The following POLDIP3 variants were observed in gnomAD, a reference collection of about 807,000 sequenced individuals.
POLDIP3 encodes the protein polymerase delta-interacting protein 3.
POLDIP3 carries 14 observed loss-of-function variants against 45.1 expected under a neutral mutation model. That is an observed-to-expected ratio of 0.31 (90% CI 0.20 to 0.49). The LOEUF is 0.49. POLDIP3 is among the 20% of genes least tolerant of loss of function. The pLI, the probability that POLDIP3 is intolerant of heterozygous loss-of-function variation, is 0.99. For missense variants in POLDIP3, 511 were observed against 538.8 expected (o/e 0.95, Z 0.51); for synonymous variants, 223 against 205.2 (o/e 1.09, Z -0.74).
chr22:42,589,058 T>C (rs751518513), intron 7 of POLDIP3, among the ~76,000 whole-genome samples: 2 of 152,102 alleles, frequency 1.3e-5, no homozygotes, highest in Non-Finnish European at 2.9e-5. Flanking sequence ...CTGGCCAACA[T>C]GGCAGAAACC....
chr22:42,584,663 CACCTT>C lies in POLDIP3; in HGVS notation c.*1123_*1127del, dbSNP rs1203594950. ...ACTGTCTGCGCCTATGCTGGGGAAA[CACCTT>C]GCCTGGTAGAGCTGCCCTGCTCCCT... On this transcript the variant is annotated 3_prime_UTR_variant, in exon 9 of 9. Coordinates refer to ENST00000252115, the MANE Select transcript of POLDIP3 (RefSeq NM_032311.5). 5 of 348,666 alleles carry C rather than the reference CACCTT, an allele frequency of 1.4e-5. No individual in the cohort carries two copies. In the Admixed American group the frequency reaches 2.0e-4, roughly 14 times the overall value. The allele number at this position is 348,666 out of a possible 1,614,324, so 21.6% of individuals were successfully genotyped here.
chr22:42,613,896 G>C (rs944061041), intron 1 of POLDIP3, among the ~76,000 whole-genome samples: 1 of 152,212 alleles, frequency 6.6e-6, no homozygotes, highest in Non-Finnish European at 1.5e-5. Flanking sequence ...ATTGGGCAAA[G>C]TTCTCACTTC....
chr22:42,610,046 T>G (rs1282424577), intron 1 of POLDIP3, among the ~76,000 whole-genome samples: 1 of 152,044 alleles, frequency 6.6e-6, no homozygotes, highest in Non-Finnish European at 1.5e-5. Flanking sequence ...TAGTGGCCCA[T>G]GCCTGTAGTC....
chr22:42,593,815 G>A (rs551088560), intron 6 of POLDIP3, among the ~76,000 whole-genome samples: 5 of 151,262 alleles, frequency 3.3e-5, no homozygotes, highest in South Asian at 2.2e-4. Flanking sequence ...CACTGCACCC[G>A]GCAATCAGCT....
intron 3 of POLDIP3, among the ~76,000 whole-genome samples, chr22:42,601,362 A>C (rs901589857): frequency 1.1e-4 from 16 of 151,988 alleles, no homozygotes; most frequent in African/African-American, 3.6e-4. Context: ...AAAAGGAAAA[A>C]AAAACAAAAC....
At chr22:42,596,480 A>G (rs2146812894) in intron 4 of POLDIP3, 115 bp from the exon 5 acceptor site, 2 of 1,058,364 alleles carry the variant, frequency 1.9e-6, no homozygotes, top group Non-Finnish European at 2.7e-6. Flanking sequence ...CCAGCTCTCT[A>G]ATTCTATTAG....
chr22:42,600,981 G>A (rs1339355274), intron 3 of POLDIP3, among the ~76,000 whole-genome samples: 1 of 151,908 alleles, frequency 6.6e-6, no homozygotes, highest in Non-Finnish European at 1.5e-5. Context: ...TGTGATCCCA[G>A]CTACTCAGGA....
chr22:42,597,971 A>G (rs1926103948), intron 4 of POLDIP3, among the ~76,000 whole-genome samples: 1 of 150,718 alleles, frequency 6.6e-6, no homozygotes, highest in South Asian at 2.1e-4. Context: ...TAGAGACGGG[A>G]TTTCACCATG....
In POLDIP3 at chr22:42,603,119, A is replaced by C. The variant is rs781487649; in HGVS notation, c.101T>G (p.Val34Gly). The C allele has an allele frequency of 6.2e-7, 1 of 1,614,092 alleles. No individual in the cohort carries two copies. Among genetic ancestry groups the C allele is most frequent in the Admixed American group, 1.7e-5 (1 of 60,020 alleles). The change falls in exon 2 of 9, where the codon GTT (valine) becomes GGT (glycine). Residue 34 changes from valine (V) to glycine (G), a missense_variant. By Grantham distance (109) the Val-to-Gly change is moderately radical. Transcript: ENST00000252115. The part of the protein sequence containing the change: ...RPGVGGVRSR[V>G]GIQQGLLSQS... Reference sequence around the variant, plus strand: ...GCTGAGAAGGCCTTGCTGGATCCCAACTCGAGATCGGACACCTCCAACTCC... The same window carrying C: ...GCTGAGAAGGCCTTGCTGGATCCCACCTCGAGATCGGACACCTCCAACTCC...
chr22:42,588,456 C>CA (rs137093), intron 7 of POLDIP3, among the ~76,000 whole-genome samples: 4,605 of 101,248 alleles, frequency 0.045, 259 homozygotes, highest in African/African-American at 0.13. Context: ...GACTCCACCT[C>CA]AAAAAAAAAA....
At position 42,614,858 on chromosome 22, in the gene POLDIP3, C is replaced by G. The variant is rs143848297; in HGVS notation, c.-1G>C. The G allele has an allele frequency of 3.1e-6, 5 of 1,613,750 alleles. No individual in the cohort carries two copies. The highest frequency in any genetic ancestry group is 4.5e-5 in the East Asian group (2 of 44,882). Reference sequence around the variant, plus strand: ...GTTCGTCCAGGGAGATGTCCGCCATCTTGCTCCGCCGAGCAAGCCGAAAGC... The same window carrying G: ...GTTCGTCCAGGGAGATGTCCGCCATGTTGCTCCGCCGAGCAAGCCGAAAGC... On this transcript the variant is annotated 5_prime_UTR_variant, in exon 1 of 9. Transcript: ENST00000252115.
intron 6 of POLDIP3, among the ~76,000 whole-genome samples, chr22:42,595,059 T>A (rs943438515): frequency 2.6e-5 from 4 of 152,216 alleles, no homozygotes; most frequent in African/African-American, 9.7e-5. Flanking sequence ...TTGGCTGGCA[T>A]CTGAGAACTC....
intron 7 of POLDIP3, among the ~76,000 whole-genome samples, chr22:42,590,444 A>G (rs1369306379): frequency 2.0e-5 from 3 of 152,146 alleles, no homozygotes; most frequent in Non-Finnish European, 4.4e-5. Context: ...TCAGCCTCCC[A>G]AAGTGCTGGA....
intron 1 of POLDIP3, among the ~76,000 whole-genome samples, chr22:42,610,168 C>G (rs1431603124): frequency 6.6e-6 from 1 of 152,098 alleles, no homozygotes; most frequent in Admixed American, 6.5e-5. Flanking sequence ...GAGCAAAACT[C>G]TGTCTCAAAA....
chr22:42,606,039 G>A (rs1176291598), intron 1 of POLDIP3, among the ~76,000 whole-genome samples: 1 of 152,188 alleles, frequency 6.6e-6, no homozygotes, highest in Non-Finnish European at 1.5e-5. Context: ...CTACTCGGAA[G>A]GCTGAGGCAG....
intron 7 of POLDIP3, among the ~76,000 whole-genome samples, chr22:42,589,724 A>T (rs1285287055): frequency 6.6e-6 from 1 of 151,906 alleles, no homozygotes; most frequent in African/African-American, 2.4e-5. Context: ...GGCACCTGTA[A>T]TCCCAGCTAC....
At chr22:42,602,257 G>T in intron 2 of POLDIP3, 1 of 815,524 alleles carries the variant, frequency 1.2e-6, no homozygotes, top group African/African-American at 1.7e-5. Flanking sequence ...CACATGTAGG[G>T]CTTAATGGAC....
chr22:42,601,861 G>A, intron 3 of POLDIP3, 109 bp downstream of exon 3: 1 of 1,336,390 alleles, frequency 7.5e-7, no homozygotes, highest in Non-Finnish European at 1.0e-6. Context: ...TACCAACTGA[G>A]CAAGCCTCAG....
At chr22:42,603,284 C>T in intron 1 of POLDIP3, 124 bp from the exon 2 acceptor site, 1 of 990,006 alleles carries the variant, frequency 1.0e-6, no homozygotes, top group Middle Eastern at 2.8e-4. Flanking sequence ...GGCTCCTTGC[C>T]TGTGATTGAA....
Sources: gnomAD v4.1 joint callset for allele counts (sites outside exome capture counted in the v4.1 genomes callset) on GRCh38, gnomAD v4.1.1 for gene constraint, MANE v1.5 for transcripts, NCBI Gene and HGNC (gene_info 2026-07-23, HGNC 2026-07-21) for gene names.